The following TIMM50 variants were observed in gnomAD, a reference collection of about 807,000 sequenced individuals.
The protein encoded by TIMM50 is translocase of inner mitochondrial membrane 50, also known as mitochondrial import inner membrane translocase subunit TIM50.
In TIMM50, 34 loss-of-function variants were observed where a neutral mutation model predicts 49.6. That is an observed-to-expected ratio of 0.69 (90% CI 0.52 to 0.91). The LOEUF (loss-of-function observed/expected upper bound fraction) is 0.91. Among genes scored for constraint, TIMM50 ranks in the 40% least tolerant of loss-of-function variants. The pLI is 0.00. For missense variants in TIMM50, 458 were observed against 477.8 expected, an observed-to-expected ratio of 0.96 and a Z score of 0.39; for synonymous variants, 199 against 198.4, an observed-to-expected ratio of 1.00 and a Z score of -0.03.
intron 6 of TIMM50, 57 bp downstream of exon 6, chr19:39,485,864 G>A: frequency 6.2e-7 from 1 of 1,605,662 alleles, no homozygotes. Flanking sequence ...GGGTTGTGAT[G>A]AGGTGGACTT....
At chr19:39,489,155 G>C (rs2079527609) in intron 10 of TIMM50, among the ~76,000 whole-genome samples, 1 of 152,042 alleles carries the variant, frequency 6.6e-6, no homozygotes. Context: ...GAGCCCCTGA[G>C]TGCCCAGAGA....
intron 2 of TIMM50, 82 bp from the exon 3 acceptor site, chr19:39,482,803 C>T (rs917235219): frequency 1.8e-5 from 28 of 1,588,588 alleles, no homozygotes; most frequent in Non-Finnish European, 2.3e-5. Flanking sequence ...ATCCAGGAGT[C>T]CAGGCCCCTT....
chr19:39,480,911 C>T lies in TIMM50; in HGVS notation c.58C>T (p.Arg20Trp), dbSNP rs1366533935. 8 of 1,590,758 alleles carry T rather than the reference C, an allele frequency of 5.0e-6. No individual in the cohort carries two copies. Among genetic ancestry groups the T allele is most frequent in the Non-Finnish European group, 6.8e-6 (8 of 1,175,102 alleles). ...GCGAAGCGGGCTCCGGCTCGGCTCG[C>T]GGGGACTGTGCACGAGGTTGGCGAC... Reference protein sequence around the residue: ...RLRSGLRLGSRGLCTRLATPP... With the variant: ...RLRSGLRLGSWGLCTRLATPP... Residue 20 changes from arginine (R) to tryptophan (W), a missense_variant, in exon 1 of 11, where the codon CGG becomes TGG. Coordinates refer to ENST00000607714, the MANE Select transcript of TIMM50 (RefSeq NM_001001563.5).
rs767840165 is a variant in TIMM50 at position 39,490,172 on chromosome 19, G to A, written c.*352G>A. 5 of 236,518 alleles carry A rather than the reference G, an allele frequency of 2.1e-5. No individual in the cohort carries two copies. Among genetic ancestry groups the A allele is most frequent in the Non-Finnish European group, 4.2e-5 (5 of 119,026 alleles). 14.7% of individuals were successfully genotyped at this position (236,518 alleles called of 1,614,324 possible). On this transcript the variant is annotated 3_prime_UTR_variant, in exon 11 of 11. Coordinates refer to ENST00000607714, the MANE Select transcript of TIMM50 (RefSeq NM_001001563.5). ...CTCATCTGTGGAGAAGGGAAGAGAG[G>A]ATGGCACTTGGCTTTAAAGACAGGT... is the stretch of plus-strand genomic sequence containing the variant.
intron 8 of TIMM50, among the ~76,000 whole-genome samples, chr19:39,487,748 C>T (rs1320757634): frequency 1.3e-5 from 2 of 152,112 alleles, no homozygotes; most frequent in Non-Finnish European, 2.9e-5. Flanking sequence ...CGTGAGCCAC[C>T]GCACCCGGCC....
rs1168561477 is a variant in TIMM50 at position 39,488,755 on chromosome 19, T to TA, written c.960+111dup. On this transcript the variant is annotated intron_variant, in intron 10 of 10. Transcript: ENST00000607714. ...GTTTGGCTGTGTGACCCTGAGCAGA[T>TA]ACCTCCTCTCTGCCTCAGTCTCTGT... 3.7e-5 allele frequency: 30 copies of TA among 800,406 alleles called. No individual in the cohort carries two copies. The Middle Eastern group carries it at 9.6e-4, about 25-fold the overall frequency. The allele number at this position is 800,406 out of a possible 1,614,324, so 49.6% of individuals were successfully genotyped here. A position where few individuals can be genotyped will look rare whatever the true frequency, so the allele number is the denominator to read the frequency against.
In TIMM50 at chr19:39,489,909, C is replaced by CTTT; in HGVS notation, c.*89_*90insTTT. The CTTT allele has an allele frequency of 8.0e-7, 1 of 1,243,714 alleles. No homozygotes were observed. Among genetic ancestry groups the CTTT allele is most frequent in the Non-Finnish European group, 1.1e-6 (1 of 869,618 alleles). 77.0% of individuals were successfully genotyped at this position (1,243,714 alleles called of 1,614,324 possible). A position where few individuals can be genotyped will look rare whatever the true frequency, so the allele number is the denominator to read the frequency against. On this transcript the variant is annotated 3_prime_UTR_variant, in exon 11 of 11. Coordinates refer to ENST00000607714, the MANE Select transcript of TIMM50 (RefSeq NM_001001563.5). ...GGGCCACCACTTGTCCAATAAAGTA[C>CTTT]ATCCCAGACGCCACACCTGCTGTGT... is the stretch of plus-strand genomic sequence containing the variant.
In TIMM50 at chr19:39,486,168, G is replaced by C; in HGVS notation, c.493-19G>C. The C allele has an allele frequency of 1.2e-6, 2 of 1,613,286 alleles. No individual in the cohort carries two copies. Among genetic ancestry groups the C allele is most frequent in the South Asian group, 1.1e-5 (1 of 91,066 alleles). ...GACCTCTGGGTCTTGGTGTTTCACT[G>C]TCCTCACTGTCTTCCCAGCTGGCCA... On this transcript the variant is annotated intron_variant, in intron 6 of 10. Coordinates refer to ENST00000607714, the MANE Select transcript of TIMM50 (RefSeq NM_001001563.5).
At position 39,483,169 on chromosome 19, in the gene TIMM50, G is replaced by A; in HGVS notation, c.313+13G>A. 1 of 1,614,144 alleles carries A rather than the reference G, an allele frequency of 6.2e-7. No homozygotes were observed. The highest frequency in any genetic ancestry group is 8.5e-7 in the Non-Finnish European group (1 of 1,180,032). On this transcript the variant is annotated intron_variant, in intron 4 of 10. Coordinates refer to ENST00000607714, the MANE Select transcript of TIMM50 (RefSeq NM_001001563.5). ...GAGTTCGACAATGGTGAGTAAACAAGCACAGATTCTGGAGTCCCTGACCCT... is the reference window on the plus strand; with the variant it reads ...GAGTTCGACAATGGTGAGTAAACAAACACAGATTCTGGAGTCCCTGACCCT...
At chr19:39,483,863 T>C (rs985884774) in intron 4 of TIMM50, among the ~76,000 whole-genome samples, 3 of 150,964 alleles carry the variant, frequency 2.0e-5, no homozygotes, top group Non-Finnish European at 4.4e-5. Context: ...TTTATTTTTA[T>C]TTTTTTTTGA....
At position 39,480,924 on chromosome 19, in the gene TIMM50, C is replaced by T. The variant is rs559860803; in HGVS notation, c.71C>T (p.Thr24Met). ...CGGCTCGGCTCGCGGGGACTGTGCA[C>T]GAGGTTGGCGACGCCGCCCCGCCGG... ...GLRLGSRGLC[T>M]RLATPPRRAP... Residue 24 changes from threonine (T) to methionine (M), a missense_variant, in exon 1 of 11, where the codon ACG becomes ATG. By Grantham distance (81) the Thr-to-Met change is moderately conservative (BLOSUM62 -1). Transcript: ENST00000607714. The T allele has an allele frequency of 4.2e-5, 66 of 1,587,574 alleles. No homozygotes were observed. The highest frequency in any genetic ancestry group is 5.6e-5 in the Non-Finnish European group (66 of 1,174,526).
chr19:39,488,479 G>A lies in TIMM50; in HGVS notation c.854-60G>A. 3.3e-6 allele frequency: 5 copies of A among 1,507,538 alleles called. No homozygotes were observed. In the Admixed American group the frequency reaches 8.4e-5, roughly 25 times the overall value. 93.4% of individuals were successfully genotyped at this position (1,507,538 alleles called of 1,614,324 possible). A position where few individuals can be genotyped will look rare whatever the true frequency, so the allele number is the denominator to read the frequency against. On this transcript the variant is annotated intron_variant, in intron 9 of 10. Transcript: ENST00000607714. ...CCCCAGTGCGGGACGTTCCCCTCAT[G>A]GGCCCTGCCTCCCTCTGGCCTTTAG...
rs74381372 is a variant in TIMM50 at position 39,492,765 on chromosome 19, G to A, written c.*2945G>A. 50,836 of 149,418 alleles carry A rather than the reference G, an allele frequency of 0.34. 9,011 individuals carry two copies. The highest frequency in any genetic ancestry group is 0.54 in the Middle Eastern group (157 of 290). The allele number at this position is 149,418 out of a possible 1,614,324, so 9.3% of individuals were successfully genotyped here. Reference sequence around the variant, plus strand: ...GGGTGCCTGTAATCCCAGCTACTTGGGAGGCTGAGGCAGGAGAATCGATTA... The same window carrying A: ...GGGTGCCTGTAATCCCAGCTACTTGAGAGGCTGAGGCAGGAGAATCGATTA... On this transcript the variant is annotated 3_prime_UTR_variant, in exon 11 of 11. Transcript: ENST00000607714.
At chr19:39,488,843 C>G (rs535823113) in intron 10 of TIMM50, among the ~76,000 whole-genome samples, 198 bp downstream of exon 10, 2 of 152,302 alleles carry the variant, frequency 1.3e-5, no homozygotes, top group Admixed American at 6.5e-5. Context: ...TGCATTGATT[C>G]TGCAGCCTGC....
At chr19:39,486,069 CACAGAG>C in intron 6 of TIMM50, 112 bp from the exon 7 acceptor site, 1 of 1,186,974 alleles carries the variant, frequency 8.4e-7, no homozygotes, top group East Asian at 2.3e-5. Flanking sequence ...CTCCAAGAGC[CACAGAG>C]ACAGAGGGAG....
In TIMM50 at chr19:39,493,074, ACTGAACCTCTGCACTCTAGATTT is replaced by A. The variant is rs2144747996; in HGVS notation, c.*3255_*3277del. ...AGGCATTCAGAACTGTGTGGACCAGACTGAACCTCTGCACTCTAGATTTTTTTTTTTTTGAAGCCTCTACAAAG... is the reference window on the plus strand; with the variant it reads ...AGGCATTCAGAACTGTGTGGACCAGATTTTTTTTTTGAAGCCTCTACAAAG... On this transcript the variant is annotated 3_prime_UTR_variant, in exon 11 of 11. Coordinates refer to ENST00000607714, the MANE Select transcript of TIMM50 (RefSeq NM_001001563.5). 1 of 151,416 alleles carries A rather than the reference ACTGAACCTCTGCACTCTAGATTT, an allele frequency of 6.6e-6. No homozygotes were observed. Among genetic ancestry groups the A allele is most frequent in the Non-Finnish European group, 1.5e-5 (1 of 67,926 alleles). 9.4% of individuals were successfully genotyped at this position (151,416 alleles called of 1,614,324 possible). A position where few individuals can be genotyped will look rare whatever the true frequency, so the allele number is the denominator to read the frequency against.
In TIMM50 at chr19:39,488,215, A is replaced by G; in HGVS notation, c.851A>G (p.Lys284Arg). Residue 284 changes from lysine (K) to arginine (R), a missense_variant and splice_region_variant, in exon 9 of 11, where the codon AAG (lysine) becomes AGG (arginine). By Grantham distance (26) the Lys-to-Arg change is conservative. Coordinates refer to ENST00000607714, the MANE Select transcript of TIMM50 (RefSeq NM_001001563.5). ...TTGTTGGATCTGTCTGCCTTCCTCA[A>G]GAGTAAGGCTGACCCCTGATCCCTT... is the stretch of plus-strand genomic sequence containing the variant. ...RVLLDLSAFL[K>R]TIALNGVEDV... 6.2e-7 allele frequency: 1 copy of G among 1,610,790 alleles called. No homozygotes were observed. Among genetic ancestry groups the G allele is most frequent in the Non-Finnish European group, 8.5e-7 (1 of 1,177,360 alleles).
chr19:39,481,689 T>C (rs916237771), intron 1 of TIMM50, among the ~76,000 whole-genome samples, 194 bp from the exon 2 acceptor site: 2 of 152,144 alleles, frequency 1.3e-5, no homozygotes, highest in African/African-American at 4.8e-5. Context: ...ACTCCTGGCA[T>C]CCTGGTGCGG....
At chr19:39,483,266 G>T in intron 4 of TIMM50, 110 bp downstream of exon 4, 1 of 1,431,930 alleles carries the variant, frequency 7.0e-7, no homozygotes, top group African/African-American at 1.4e-5. Flanking sequence ...TTCCACTGGG[G>T]AGGTGGGGGA....
Sources: gnomAD v4.1 joint callset for allele counts (sites outside exome capture counted in the v4.1 genomes callset) on GRCh38, gnomAD v4.1.1 for gene constraint, MANE v1.5 for transcripts, NCBI Gene and HGNC (gene_info 2026-07-23, HGNC 2026-07-21) for gene names.